SLC25A53: variants seen among roughly 807,000 people sequenced by gnomAD.
The protein encoded by SLC25A53 is solute carrier family 25 member 53.
In SLC25A53, 5 loss-of-function variants were observed where a neutral mutation model predicts 15.0. That is an observed-to-expected ratio of 0.33 (90% confidence interval 0.17 to 0.70). The LOEUF (loss-of-function observed/expected upper bound fraction) is 0.70. SLC25A53 is among the 30% of genes least tolerant of loss of function. SLC25A53 has a pLI of 0.67. For missense variants in SLC25A53, 216 were observed against 241.6 expected, an observed-to-expected ratio of 0.89 and a Z score of 0.70; for synonymous variants, 95 against 100.0, an observed-to-expected ratio of 0.95 and a Z score of 0.30.
At chrX:104,151,644 G>T (rs2147881921) in intron 1 of SLC25A53, among the ~76,000 whole-genome samples, 1 of 111,498 alleles carries the variant, frequency 9.0e-6, no homozygotes, top group East Asian at 2.8e-4. Flanking sequence ...TATGGACTGG[G>T]AACAATCCCA....
intron 1 of SLC25A53, among the ~76,000 whole-genome samples, chrX:104,129,594 G>A (rs2075419939): frequency 9.0e-6 from 1 of 110,536 alleles, no homozygotes; most frequent in African/African-American, 3.3e-5. Flanking sequence ...AACACTGAGT[G>A]CCTGACAACT....
intron 1 of SLC25A53, among the ~76,000 whole-genome samples, chrX:104,153,193 C>T (rs1455603170): frequency 9.0e-6 from 1 of 110,601 alleles, no homozygotes; most frequent in Non-Finnish European, 1.9e-5. Context: ...CATCGTTAGG[C>T]AATTTCATTG....
chrX:104,108,747 T>C (rs782817673), intron 1 of SLC25A53, among the ~76,000 whole-genome samples: 1 of 111,939 alleles, frequency 8.9e-6, no homozygotes, highest in South Asian at 3.8e-4. Flanking sequence ...GTAGACTGTG[T>C]GACTGCCCCA....
At chrX:104,114,394 C>T (rs781876239) in intron 1 of SLC25A53, 2 of 1,211,869 alleles carry the variant, frequency 1.7e-6, no homozygotes, top group Middle Eastern at 4.6e-4. Flanking sequence ...GGGCCCTGCC[C>T]GGGAGGTCAT....
At chrX:104,115,023 G>A (rs782482682) in intron 1 of SLC25A53, 1 of 1,192,701 alleles carries the variant, frequency 8.4e-7, no homozygotes, top group East Asian at 3.0e-5. Context: ...CCAGACCTCT[G>A]GATCAAGTGC....
At chrX:104,156,294 T>C (rs782786687) in intron 1 of SLC25A53, among the ~76,000 whole-genome samples, 2 of 111,125 alleles carry the variant, frequency 1.8e-5, no homozygotes, top group Non-Finnish European at 3.8e-5. Flanking sequence ...TAGATTTTCA[T>C]AACACAGGAT....
chrX:104,122,299 TTTTTG>T (rs1344525276), intron 1 of SLC25A53, among the ~76,000 whole-genome samples: 1 of 94,539 alleles, frequency 1.1e-5, no homozygotes, highest in Non-Finnish European at 2.1e-5. Context: ...TGATTTCTTT[TTTTTG>T]TTTTTTTTTT....
At chrX:104,121,284 T>C (rs1419902579) in intron 1 of SLC25A53, among the ~76,000 whole-genome samples, 1 of 112,513 alleles carries the variant, frequency 8.9e-6, no homozygotes, top group African/African-American at 3.2e-5. Flanking sequence ...TTAAATCCAA[T>C]TATTTACTTG....
At chrX:104,155,163 C>CTT (rs782636966) in intron 1 of SLC25A53, among the ~76,000 whole-genome samples, 1 of 102,612 alleles carries the variant, frequency 9.7e-6, no homozygotes, top group Non-Finnish European at 2.0e-5. Flanking sequence ...GGGAGATATT[C>CTT]TTTTTTTTTT....
chrX:104,146,462 T>C (rs1256531904), intron 1 of SLC25A53, among the ~76,000 whole-genome samples: 2 of 111,353 alleles, frequency 1.8e-5, no homozygotes, highest in South Asian at 3.8e-4. Flanking sequence ...CCAGGGCAAT[T>C]AGGCAGGAGA....
intron 1 of SLC25A53, chrX:104,114,001 A>C: frequency 8.8e-7 from 1 of 1,131,907 alleles, no homozygotes; most frequent in Non-Finnish European, 1.2e-6. Flanking sequence ...TCCCTACTGA[A>C]ATATAAGGCA....
chrX:104,122,341 G>A (rs2075397815), intron 1 of SLC25A53, among the ~76,000 whole-genome samples: 1 of 82,155 alleles, frequency 1.2e-5, no homozygotes, highest in Non-Finnish European at 2.2e-5. Context: ...ACAGAGTCTC[G>A]CTCTGTTGCC....
chrX:104,129,103 T>C (rs1643314020), intron 1 of SLC25A53, among the ~76,000 whole-genome samples: 1 of 111,886 alleles, frequency 8.9e-6, no homozygotes, highest in South Asian at 3.7e-4. Context: ...AACCATAAAT[T>C]TCTTTGGTTT....
chrX:104,142,055 G>A (rs977897008), intron 1 of SLC25A53, among the ~76,000 whole-genome samples: 2 of 111,687 alleles, frequency 1.8e-5, no homozygotes, highest in African/African-American at 3.3e-5. Flanking sequence ...GATCAGCCTG[G>A]GCAACATGGT....
chrX:104,122,107 C>T (rs1452383413), intron 1 of SLC25A53, among the ~76,000 whole-genome samples: 3 of 103,667 alleles, frequency 2.9e-5, no homozygotes. Flanking sequence ...TTCTATCCCC[C>T]CTTTTTGTTC....
intron 1 of SLC25A53, among the ~76,000 whole-genome samples, chrX:104,148,664 C>A (rs1411201909): frequency 9.1e-6 from 1 of 110,183 alleles, no homozygotes; most frequent in Non-Finnish European, 1.9e-5. Context: ...AGGGGAACAT[C>A]ACACACAGGG....
intron 1 of SLC25A53, among the ~76,000 whole-genome samples, chrX:104,138,817 G>C (rs1435777927): frequency 8.9e-6 from 1 of 111,732 alleles, no homozygotes; most frequent in Admixed American, 9.4e-5. Context: ...CCGCTCAATG[G>C]CCTGCCGGCG....
intron 1 of SLC25A53, among the ~76,000 whole-genome samples, chrX:104,109,976 AG>A (rs1255811542): frequency 4.5e-5 from 3 of 67,231 alleles, no homozygotes; most frequent in Non-Finnish European, 1.0e-4. Context: ...CATACATGTG[AG>A]GCCATGTCCT....
At chrX:104,147,077 A>T (rs1322213683) in intron 1 of SLC25A53, among the ~76,000 whole-genome samples, 1 of 111,852 alleles carries the variant, frequency 8.9e-6, no homozygotes, top group Admixed American at 9.5e-5. Context: ...AGTAACCAAA[A>T]CAGCATGGTA....
Sources: allele counts gnomAD v4.1 joint callset (sites outside exome capture counted in the v4.1 genomes callset), GRCh38; gene constraint gnomAD v4.1.1; transcripts MANE v1.5; gene names NCBI Gene and HGNC (gene_info 2026-07-23, HGNC 2026-07-21).